Variants in LPA observed in about 807,000 individuals in gnomAD.
LPA encodes the protein lipoprotein(a), also known as apolipoprotein(a).
In LPA, 199 loss-of-function variants were observed where a neutral mutation model predicts 197.9. That is an observed-to-expected ratio of 1.01 (90% CI 0.90 to 1.13). The LOEUF (loss-of-function observed/expected upper bound fraction) is 1.13. LPA is among the 50% of genes most tolerant of loss of function. The pLI, the probability that LPA is intolerant of heterozygous loss-of-function variation, is 0.00. For synonymous variants in LPA, 715 were observed against 639.5 expected (o/e 1.12, Z -1.78); for missense variants, 1,853 against 1,785.8 (o/e 1.04, Z -0.68).
intron 20 of LPA, among the ~76,000 whole-genome samples, chr6:160,598,996 C>T (rs1172791947): frequency 6.6e-6 from 1 of 152,168 alleles, no homozygotes; most frequent in Admixed American, 6.5e-5. Context: ...ATCTTCTCAA[C>T]TCCATATATC....
chr6:160,591,648 G>A (rs934968985), intron 22 of LPA, among the ~76,000 whole-genome samples: 1 of 152,156 alleles, frequency 6.6e-6, no homozygotes, highest in Admixed American at 6.5e-5. Context: ...GTATGGTATA[G>A]CAATGGCTCC....
At chr6:160,635,757 A>G (rs1255251074) in intron 6 of LPA, among the ~76,000 whole-genome samples, 101 of 90,808 alleles carry the variant, frequency 1.1e-3, no homozygotes, top group Non-Finnish European at 1.9e-3. Flanking sequence ...TGGGAGTTGC[A>G]ACGAACATGT....
chr6:160,593,724 G>A lies in LPA; in HGVS notation c.3629+234C>T, dbSNP rs1443159462. Among the ~76,000 whole-genome samples the A allele has an allele frequency of 2.6e-5, 4 of 152,282 alleles. No homozygotes were observed. In the South Asian group the frequency reaches 6.2e-4, roughly 24 times the overall value. On this transcript the variant is annotated intron_variant, in intron 22 of 38. Coordinates refer to ENST00000316300, the MANE Select transcript of LPA (RefSeq NM_005577.4). ...CATGTGTCCTGAGCTTTCTATTCAT[G>A]AGAACTCACCACCTTCAAATATCCT...
chr6:160,587,197 T>C (rs1778927578), intron 24 of LPA, among the ~76,000 whole-genome samples: 2 of 152,242 alleles, frequency 1.3e-5, no homozygotes, highest in Admixed American at 1.3e-4. Context: ...TCTCTCCTGT[T>C]ACTCATGATG....
rs2114998537 is a variant in LPA at position 160,541,128 on chromosome 6, G to A, written c.5573C>T (p.Thr1858Ile). The part of the protein sequence containing the change: ...GTLISPEWVL[T>I]AAHCLKKSSR... ...GTACTTCTTCAAGCAGTGAGCAGCA[G>A]TCAGCACCCACTCTGGGGATATTAA... Residue 1858 changes from threonine to isoleucine, a missense_variant, in exon 35 of 39, where the codon ACT becomes ATT. This residue lies in a region of LPA where 1,737 missense variants were observed against 1,504.4 expected (regional missense o/e 1.15). Coordinates refer to ENST00000316300, the MANE Select transcript of LPA (RefSeq NM_005577.4). 6.2e-7 allele frequency: 1 copy of A among 1,614,164 alleles called. No individual in the cohort carries two copies. The highest frequency in any genetic ancestry group is 1.3e-5 in the African/African-American group (1 of 75,052).
chr6:160,600,865 T>C, intron 19 of LPA, 52 bp downstream of exon 19: 1 of 1,593,008 alleles, frequency 6.3e-7, no homozygotes, highest in Non-Finnish European at 8.6e-7. Flanking sequence ...GGGGTATCCA[T>C]GGCTTTTCAT....
intron 14 of LPA, among the ~76,000 whole-genome samples, chr6:160,615,345 T>G (rs1447412032): frequency 6.8e-6 from 1 of 146,984 alleles, no homozygotes; most frequent in Non-Finnish European, 1.5e-5. Flanking sequence ...ATGGGTGTGT[T>G]TTCAGTTTGT....
chr6:160,662,396 T>G lies in LPA; in HGVS notation c.49+1770A>C, dbSNP rs557450406. Among the ~76,000 whole-genome samples the G allele has an allele frequency of 2.0e-5, 3 of 152,340 alleles. No individual in the cohort carries two copies. In the South Asian group the frequency reaches 6.2e-4, roughly 32 times the overall value. Reference sequence around the variant, plus strand: ...TAGAAGATGTTTCTCCGCTTCTCACTGAGCATGGCTGTAAAAGAAACTTTT... The same window carrying G: ...TAGAAGATGTTTCTCCGCTTCTCACGGAGCATGGCTGTAAAAGAAACTTTT... On this transcript the variant is annotated intron_variant, in intron 1 of 38. Coordinates refer to ENST00000316300, the MANE Select transcript of LPA (RefSeq NM_005577.4).
At chr6:160,597,298 G>A (rs149800973) in intron 20 of LPA, among the ~76,000 whole-genome samples, 19 of 152,294 alleles carry the variant, frequency 1.2e-4, no homozygotes, top group Non-Finnish European at 2.5e-4. Context: ...CAGAGTGTGG[G>A]CTTATCTATT....
At chr6:160,600,832 C>A (rs1009189773) in intron 19 of LPA, 85 bp downstream of exon 19, 27 of 1,429,106 alleles carry the variant, frequency 1.9e-5, no homozygotes, top group Non-Finnish European at 2.5e-5. Context: ...ACCAGTGTAG[C>A]ACTGAAGGGT....
intron 6 of LPA, among the ~76,000 whole-genome samples, chr6:160,635,603 C>A (rs1313366626): frequency 9.6e-5 from 12 of 124,882 alleles, no homozygotes; most frequent in South Asian, 2.4e-4. Context: ...GAGTATTCTC[C>A]TTCTGCCTCC....
chr6:160,609,443 G>A (rs1448722623), intron 16 of LPA, among the ~76,000 whole-genome samples: 1 of 151,994 alleles, frequency 6.6e-6, no homozygotes, highest in East Asian at 1.9e-4. Context: ...TTTTTCTCCA[G>A]TTTCTCGTGA....
intron 24 of LPA, among the ~76,000 whole-genome samples, chr6:160,587,785 G>T (rs1328526731): frequency 3.3e-4 from 40 of 121,996 alleles, no homozygotes; most frequent in East Asian, 1.2e-3. Flanking sequence ...GTGTGTGTGT[G>T]TGTGTGTGTG....
chr6:160,589,645 T>C lies in LPA; in HGVS notation c.3855A>G (p.Ser1285=). 2 of 1,613,966 alleles carry C rather than the reference T, an allele frequency of 1.2e-6. No individual in the cohort carries two copies. Among genetic ancestry groups the C allele is most frequent in the Non-Finnish European group, 1.7e-6 (2 of 1,179,868 alleles). ...YHGDGQSYRG[S]FSTTVTGRTC... is the part of the protein sequence containing the mutation. ...TCCTTCCTGTAACAGTGGTGGAGAA[T>C]GAGCCTCGATAACTCTGTCCATCAC... The change falls in exon 24 of 39, where the codon TCA becomes TCG. Residue 1285 remains serine, a synonymous_variant. Coordinates refer to ENST00000316300, the MANE Select transcript of LPA (RefSeq NM_005577.4).
intron 16 of LPA, among the ~76,000 whole-genome samples, chr6:160,610,642 T>C (rs1372176809): frequency 6.6e-6 from 1 of 152,160 alleles, no homozygotes; most frequent in Admixed American, 6.5e-5. Flanking sequence ...TTTGTAGAGC[T>C]CCTTTCCTCC....
chr6:160,549,960 C>T (rs1778141774), intron 30 of LPA, among the ~76,000 whole-genome samples: 1 of 152,222 alleles, frequency 6.6e-6, no homozygotes, highest in Non-Finnish European at 1.5e-5. Flanking sequence ...CTTTGGCTCA[C>T]GCCTGTAATC....
chr6:160,657,942 GC>G (rs1202640748), intron 1 of LPA, among the ~76,000 whole-genome samples: 1 of 152,106 alleles, frequency 6.6e-6, no homozygotes, highest in Non-Finnish European at 1.5e-5. Flanking sequence ...CACCTCTGGG[GC>G]CCGCAAGGAA....
chr6:160,541,213 A>G lies in LPA; in HGVS notation c.5520-32T>C, dbSNP rs749167517. On this transcript the variant is annotated intron_variant, in intron 34 of 38. Coordinates refer to ENST00000316300, the MANE Select transcript of LPA (RefSeq NM_005577.4). Reference sequence around the variant, plus strand: ...AGAAAACATGCCAAGGCTTTGGTCAAATTGGATGGTTTGTTCTACTTCATT... The same window carrying G: ...AGAAAACATGCCAAGGCTTTGGTCAGATTGGATGGTTTGTTCTACTTCATT... The G allele has an allele frequency of 1.2e-5, 18 of 1,490,356 alleles. No homozygotes were observed. The South Asian group carries it at 1.8e-4, about 15-fold the overall frequency. 92.3% of individuals were successfully genotyped at this position (1,490,356 alleles called of 1,614,324 possible).
At position 160,537,849 on chromosome 6, in the gene LPA, T is replaced by A. The variant is rs936803654; in HGVS notation, c.5842+6A>T. The A allele has an allele frequency of 1.2e-6, 2 of 1,613,032 alleles. No homozygotes were observed. The highest frequency in any genetic ancestry group is 2.7e-5 in the African/African-American group (2 of 74,920). On this transcript the variant is annotated splice_donor_region_variant and intron_variant, in intron 37 of 38. Transcript: ENST00000316300. ...TTTGTTACGTGGGCAATGGAATTGA[T>A]CTCACCTTGGGTTTCTCCCCAGCCA... is the stretch of plus-strand genomic sequence containing the variant.
Sources: allele counts gnomAD v4.1 joint callset (sites outside exome capture counted in the v4.1 genomes callset), GRCh38; gene constraint gnomAD v4.1.1; regional missense constraint gnomAD v4.1.1; transcripts MANE v1.5; gene names NCBI Gene and HGNC (gene_info 2026-07-23, HGNC 2026-07-21).